The following FAN1 variants were observed in gnomAD, a reference collection of about 807,000 sequenced individuals.
The protein encoded by FAN1 is fanconi-associated nuclease 1.
FAN1 carries 91 observed loss-of-function variants against 104.9 expected under a neutral mutation model. That is an observed-to-expected ratio of 0.87 (90% confidence interval 0.73 to 1.03). The LOEUF (loss-of-function observed/expected upper bound fraction) is 1.03, where lower values mean the gene tolerates loss of function less well. Ranked by LOEUF, FAN1 falls within the 50% of genes least tolerant of loss-of-function variation. The pLI, the probability that FAN1 is intolerant of heterozygous loss-of-function variation, is 0.00. For missense variants in FAN1, 1,263 were observed against 1,239.9 expected (o/e 1.02, Z -0.28); for synonymous variants, 478 against 457.6 (o/e 1.04, Z -0.57).
intron 14 of FAN1, chr15:30,940,799 T>C: frequency 1.0e-6 from 1 of 986,526 alleles, no homozygotes; most frequent in African/African-American, 1.8e-5. Context: ...TCTTCTGTAA[T>C]ATTTGTATCC....
Position 30,905,249 on chromosome 15 carries a change from T to A in FAN1, c.586T>A (p.Ser196Thr). The change falls in exon 2 of 15, where the codon TCT (serine) becomes ACT (threonine). Residue 196 changes from serine to threonine, a missense_variant. Ser to Thr is a moderately conservative substitution (Grantham distance 58, BLOSUM62 1). Around this residue, in one of 2 missense-constraint regions of FAN1, gnomAD observed 682 missense variants for 571.1 expected, o/e 1.19. Transcript: ENST00000362065. ...STVVKSLIDN[S>T]SEIEDEDQIL... ...AGTTGTTAAGAGCCTGATTGATAAC[T>A]CTTCAGAAATTGAGGACGAGGATCA... 1 of 1,614,078 alleles carries A rather than the reference T, an allele frequency of 6.2e-7. No individual in the cohort carries two copies. The highest frequency in any genetic ancestry group is 8.5e-7 in the Non-Finnish European group (1 of 1,180,028).
chr15:30,923,568 G>GAT (rs1566923203), intron 8 of FAN1, among the ~76,000 whole-genome samples: 1 of 152,200 alleles, frequency 6.6e-6, no homozygotes, highest in Admixed American at 6.5e-5. Context: ...CTCCAGGGAA[G>GAT]GGATCGCCTA....
chr15:30,905,563 T>C lies in FAN1; in HGVS notation c.900T>C (p.His300=), dbSNP rs752039705. ...KEVVEKREAC[H]CEEVKMTVAS... ...TGGTTGAAAAACGTGAGGCATGTCATTGTGAAGAAGTAAAAATGACTGTTG... is the reference window on the plus strand; with the variant it reads ...TGGTTGAAAAACGTGAGGCATGTCACTGTGAAGAAGTAAAAATGACTGTTG... The change falls in exon 2 of 15, where the codon CAT becomes CAC. Residue 300 remains histidine (H), a synonymous_variant. Coordinates refer to ENST00000362065, the MANE Select transcript of FAN1 (RefSeq NM_014967.5). 4.3e-6 allele frequency: 7 copies of C among 1,613,880 alleles called. No individual in the cohort carries two copies. The East Asian group carries it at 1.3e-4, about 31-fold the overall frequency.
Position 30,905,764 on chromosome 15 carries a change from T to G in FAN1, c.1101T>G (p.Gly367=), listed in dbSNP as rs921097259. The G allele has an allele frequency of 6.2e-7, 1 of 1,614,200 alleles. No individual in the cohort carries two copies. The highest frequency in any genetic ancestry group is 8.5e-7 in the Non-Finnish European group (1 of 1,180,024). The stretch of plus-strand genomic sequence containing the variant: ...AGGGGTCAAGCTGCAATGGTCCTGG[T>G]CAAACAACCGGTCATCCTTACTACC... ...LEQGSSCNGP[G]QTTGHPYYLR... The change falls in exon 2 of 15, where the codon GGT becomes GGG. Residue 367 remains glycine (G), a synonymous_variant. Coordinates refer to ENST00000362065, the MANE Select transcript of FAN1 (RefSeq NM_014967.5).
chr15:30,912,925 C>T (rs1002393304), intron 4 of FAN1, among the ~76,000 whole-genome samples: 2 of 152,206 alleles, frequency 1.3e-5, no homozygotes, highest in Admixed American at 6.5e-5. Context: ...AGAGGGCCCA[C>T]ATGGTCCTGG....
At chr15:30,915,234 A>G (rs1426978665) in intron 5 of FAN1, among the ~76,000 whole-genome samples, 1 of 152,164 alleles carries the variant, frequency 6.6e-6, no homozygotes, top group Non-Finnish European at 1.5e-5. Context: ...TCTCACTCAT[A>G]TGTGGGAGGT....
intron 13 of FAN1, among the ~76,000 whole-genome samples, chr15:30,935,936 C>T (rs2062839737): frequency 2.6e-5 from 4 of 151,906 alleles, no homozygotes. Flanking sequence ...ATTTGTGTGC[C>T]TGGGATTCAT....
At chr15:30,906,048 A>C in intron 2 of FAN1, 151 bp downstream of exon 2, 1 of 718,444 alleles carries the variant, frequency 1.4e-6, no homozygotes, top group East Asian at 2.5e-5. Context: ...GTTGGAGCAT[A>C]GTCGAAGGTT....
chr15:30,912,566 C>T (rs558728596), intron 4 of FAN1, among the ~76,000 whole-genome samples: 44 of 152,252 alleles, frequency 2.9e-4, no homozygotes, highest in African/African-American at 1.0e-3. Context: ...AGGAATCCCA[C>T]CCCTTCCCCT....
chr15:30,942,706 G>T lies in FAN1; in HGVS notation c.*1144G>T. The T allele has an allele frequency of 1.7e-6, 1 of 587,694 alleles. No homozygotes were observed. Among genetic ancestry groups the T allele is most frequent in the Non-Finnish European group, 2.8e-6 (1 of 355,874 alleles). The allele number at this position is 587,694 out of a possible 1,614,324, so 36.4% of individuals were successfully genotyped here. ...CACTCTCAGGTACTGAGACTTTGTGGGCCTCAGACACCAGGAAGAAAGCTG... is the reference window on the plus strand; with the variant it reads ...CACTCTCAGGTACTGAGACTTTGTGTGCCTCAGACACCAGGAAGAAAGCTG... On this transcript the variant is annotated 3_prime_UTR_variant, in exon 15 of 15. Transcript: ENST00000362065.
Position 30,925,844 on chromosome 15 carries a change from T to A in FAN1, c.2393T>A (p.Val798Glu). Reference sequence around the variant, plus strand: ...CGTGGGATGTGCAAGTCTGTGTTTGTGATGGAGGCCGGGGAGGCCGCTGAC... The same window carrying A: ...CGTGGGATGTGCAAGTCTGTGTTTGAGATGGAGGCCGGGGAGGCCGCTGAC... ...PQRGMCKSVF[V>E]MEAGEAADPT... The change falls in exon 10 of 15, where the codon GTG becomes GAG. Residue 798 changes from valine (V) to glutamate (E), a missense_variant. Around this residue, in one of 2 missense-constraint regions of FAN1, gnomAD observed 581 missense variants for 668.8 expected, o/e 0.87. Transcript: ENST00000362065. 1 of 1,614,254 alleles carries A rather than the reference T, an allele frequency of 6.2e-7. No individual in the cohort carries two copies. The highest frequency in any genetic ancestry group is 1.1e-5 in the South Asian group (1 of 91,090).
chr15:30,932,610 A>G (rs543995415), intron 13 of FAN1, among the ~76,000 whole-genome samples: 1 of 152,048 alleles, frequency 6.6e-6, no homozygotes, highest in African/African-American at 2.4e-5. Flanking sequence ...AAGGCTGTTC[A>G]TATTATCTGT....
Position 30,904,006 on chromosome 15 carries a change from C to T in FAN1, c.-158C>T, listed in dbSNP as rs990446269. 2.6e-5 allele frequency: 4 copies of T among 152,288 alleles called. No homozygotes were observed. Among genetic ancestry groups the T allele is most frequent in the Non-Finnish European group, 4.4e-5 (3 of 68,166 alleles). The allele number at this position is 152,288 out of a possible 1,614,324, so 9.4% of individuals were successfully genotyped here. A position where few individuals can be genotyped will look rare whatever the true frequency, so the allele number is the denominator to read the frequency against. On this transcript the variant is annotated 5_prime_UTR_variant, in exon 1 of 15. Transcript: ENST00000362065. ...GAGTGGCTCGGGCTCAGTCGCGTGG[C>T]CCCAGGTGCGCGTCCCAGGTGCGCG...
intron 4 of FAN1, among the ~76,000 whole-genome samples, chr15:30,912,632 C>T (rs750129200): frequency 1.1e-4 from 17 of 152,180 alleles, no homozygotes; most frequent in Non-Finnish European, 2.2e-4. Context: ...TGCAGTGCTG[C>T]TTTTGGTTTA....
chr15:30,920,735 C>A, intron 7 of FAN1, 82 bp downstream of exon 7: 1 of 780,070 alleles, frequency 1.3e-6, no homozygotes, highest in Non-Finnish European at 2.1e-6. Flanking sequence ...GGGCTCTCAG[C>A]ATTTCCTGCT....
chr15:30,941,533 T>C (rs776851412), intron 14 of FAN1, 33 bp from the exon 15 acceptor site: 3 of 1,610,014 alleles, frequency 1.9e-6, no homozygotes, highest in East Asian at 2.2e-5. Flanking sequence ...AAAATTTGCT[T>C]AATGGTGTTC....
At chr15:30,920,757 C>A in intron 7 of FAN1, 104 bp downstream of exon 7, 1 of 681,404 alleles carries the variant, frequency 1.5e-6, no homozygotes, top group Non-Finnish European at 2.5e-6. Flanking sequence ...ATTTGGTTAG[C>A]ACACAGTAAT....
chr15:30,930,284 A>G (rs2062673481), intron 12 of FAN1, among the ~76,000 whole-genome samples: 1 of 151,890 alleles, frequency 6.6e-6, no homozygotes, highest in Admixed American at 6.6e-5. Context: ...CCTCTTCCTC[A>G]GCGCTCCCCA....
At chr15:30,940,473 C>CCAA (rs1595899065) in intron 14 of FAN1, 1 of 985,402 alleles carries the variant, frequency 1.0e-6, no homozygotes, top group Non-Finnish European at 1.2e-6. Flanking sequence ...GTGCAGGTGC[C>CCAA]CAACTCGTAA....
Sources: allele counts gnomAD v4.1 joint callset (sites outside exome capture counted in the v4.1 genomes callset), GRCh38; gene constraint gnomAD v4.1.1; regional missense constraint gnomAD v4.1.1; transcripts MANE v1.5; gene names NCBI Gene and HGNC (gene_info 2026-07-23, HGNC 2026-07-21).